The following PLAAT1 variants were observed in gnomAD, a reference collection of about 807,000 sequenced individuals.
The protein encoded by PLAAT1 is H-REV107 protein-related protein.
In PLAAT1, 13 loss-of-function variants were observed where a neutral mutation model predicts 16.4. The observed-to-expected ratio is 0.79, with a 90% CI of 0.52 to 1.26. The LOEUF (loss-of-function observed/expected upper bound fraction) is 1.26. PLAAT1 is among the 50% of genes most tolerant of loss of function. PLAAT1 has a pLI of 0.00. For synonymous variants in PLAAT1, 73 were observed against 78.4 expected, an observed-to-expected ratio of 0.93 and a Z score of 0.36; for missense variants, 218 against 207.8, an observed-to-expected ratio of 1.05 and a Z score of -0.30.
At chr3:193,242,186 T>A (rs1715788491) in intron 1 of PLAAT1, among the ~76,000 whole-genome samples, 1 of 151,824 alleles carries the variant, frequency 6.6e-6, no homozygotes, top group Admixed American at 6.6e-5. Flanking sequence ...CCCAAGACAG[T>A]TCTCCCAGTG....
chr3:193,259,905 A>G (rs2108794326), intron 2 of PLAAT1, among the ~76,000 whole-genome samples: 1 of 152,032 alleles, frequency 6.6e-6, no homozygotes, highest in South Asian at 2.1e-4. Flanking sequence ...AAAGAGCCCA[A>G]GTAGCAAAAA....
At chr3:193,254,656 A>G (rs974031101) in intron 1 of PLAAT1, among the ~76,000 whole-genome samples, 2 of 152,164 alleles carry the variant, frequency 1.3e-5, no homozygotes, top group Admixed American at 6.5e-5. Context: ...AATTTCAAAC[A>G]TGTTCATCAA....
At chr3:193,250,737 C>T (rs912451417) in intron 1 of PLAAT1, among the ~76,000 whole-genome samples, 1 of 152,114 alleles carries the variant, frequency 6.6e-6, no homozygotes, top group Non-Finnish European at 1.5e-5. Context: ...CAGGGAGAAA[C>T]TTCTGGTCTA....
downstream of PLAAT1, chr3:193,281,131 C>A: frequency 1.0e-6 from 1 of 965,178 alleles, no homozygotes; most frequent in Non-Finnish European, 1.2e-6. Context: ...ATAAAGCAAT[C>A]TAAATGGCTT....
chr3:193,261,080 G>A (rs1464788128), intron 2 of PLAAT1, among the ~76,000 whole-genome samples: 1 of 152,162 alleles, frequency 6.6e-6, no homozygotes. Flanking sequence ...AACAAAAAGT[G>A]TATGCAGACC....
chr3:193,276,811 G>A lies in PLAAT1; in HGVS notation c.*60-825G>A, dbSNP rs762089471. 2.7e-5 allele frequency: 43 copies of A among 1,613,258 alleles called. 1 individual carries two copies. The highest frequency in any genetic ancestry group is 3.3e-4 in the Middle Eastern group (2 of 6,064). On this transcript the variant is annotated intron_variant and NMD_transcript_variant, in intron 2 of 2. Coordinates refer to the PLAAT1 transcript ENST00000416012. ...TACCACCAAAATTAAAACCCTCCAC[G>A]ATGTTATGGTTGGGATCAACTGTTG...
upstream of PLAAT1, chr3:193,240,996 C>T (rs1249803050): frequency 8.4e-6 from 3 of 358,614 alleles, no homozygotes; most frequent in Non-Finnish European, 1.5e-5. Flanking sequence ...GTCCGAGACG[C>T]GGGTGCGGAG....
At chr3:193,243,841 T>A in intron 1 of PLAAT1, among the ~76,000 whole-genome samples, 1 of 152,216 alleles carries the variant, frequency 6.6e-6, no homozygotes, top group East Asian at 1.9e-4. Flanking sequence ...TGGCCTTTTA[T>A]AGCCACACCT....
At chr3:193,258,920 C>T (rs1427701802) in intron 2 of PLAAT1, among the ~76,000 whole-genome samples, 1 of 152,076 alleles carries the variant, frequency 6.6e-6, no homozygotes, top group East Asian at 1.9e-4. Context: ...CTAGCATCAT[C>T]CTGATACCAA....
intron 2 of PLAAT1, chr3:193,276,657 G>A (rs1717222092): frequency 7.1e-6 from 6 of 847,914 alleles, no homozygotes; most frequent in Non-Finnish European, 1.1e-5. Context: ...CATTTTGGGG[G>A]ATCAAAGTGG....
chr3:193,266,849 C>G (rs1481417829), intron 3 of PLAAT1, among the ~76,000 whole-genome samples: 1 of 151,270 alleles, frequency 6.6e-6, no homozygotes, highest in Non-Finnish European at 1.5e-5. Flanking sequence ...AATAGTATTA[C>G]TACTAATAAT....
chr3:193,253,285 C>A (rs1331508978), intron 1 of PLAAT1, among the ~76,000 whole-genome samples: 1 of 152,032 alleles, frequency 6.6e-6, no homozygotes, highest in Non-Finnish European at 1.5e-5. Context: ...TTTATGAAAT[C>A]AATTAACTTA....
chr3:193,267,977 A>G (rs1040166777), intron 3 of PLAAT1, among the ~76,000 whole-genome samples: 15 of 152,204 alleles, frequency 9.9e-5, no homozygotes, highest in Non-Finnish European at 1.5e-4. Flanking sequence ...GCTTCTTTGC[A>G]TATCATCTTT....
At chr3:193,279,353 G>C (rs1717374275), downstream of PLAAT1, 1 of 1,602,336 alleles carries the variant, frequency 6.2e-7, no homozygotes, top group Non-Finnish European at 8.6e-7. Flanking sequence ...ATGTGCAAAT[G>C]AATGCCACTT....
At chr3:193,278,858 G>A (rs1170248310), downstream of PLAAT1, among the ~76,000 whole-genome samples, 1 of 152,016 alleles carries the variant, frequency 6.6e-6, no homozygotes, top group Non-Finnish European at 1.5e-5. Flanking sequence ...CTCACAATAC[G>A]GGGTCCAAGA....
At chr3:193,241,797 G>GAAT (rs1171159060) in intron 1 of PLAAT1, among the ~76,000 whole-genome samples, 1 of 152,120 alleles carries the variant, frequency 6.6e-6, no homozygotes, top group East Asian at 1.9e-4. Flanking sequence ...AAGTGAATAT[G>GAAT]AATAATAATA....
intron 3 of PLAAT1, among the ~76,000 whole-genome samples, chr3:193,265,394 C>T (rs976595688): frequency 1.4e-4 from 21 of 152,226 alleles, no homozygotes; most frequent in African/African-American, 4.8e-4. Flanking sequence ...CAAGAGACTA[C>T]ATATTATATT....
chr3:193,262,796 T>C (rs983341345), intron 2 of PLAAT1, among the ~76,000 whole-genome samples, 174 bp from the exon 3 acceptor site: 4 of 152,250 alleles, frequency 2.6e-5, no homozygotes, highest in African/African-American at 9.6e-5. Flanking sequence ...TAAGTGTTAC[T>C]GCTAAGTTAT....
chr3:193,258,989 T>TG (rs962549748), intron 2 of PLAAT1, among the ~76,000 whole-genome samples: 20 of 152,212 alleles, frequency 1.3e-4, no homozygotes, highest in Admixed American at 1.3e-3. Flanking sequence ...TGAACATAGA[T>TG]GCAAAAATCC....
Sources: allele counts gnomAD v4.1 joint callset (sites outside exome capture counted in the v4.1 genomes callset), GRCh38; gene constraint gnomAD v4.1.1; transcripts MANE v1.5; gene names NCBI Gene and HGNC (gene_info 2026-07-23, HGNC 2026-07-21).